SUN1: variants seen among roughly 807,000 people sequenced by gnomAD.
SUN1 encodes the protein Sad1 and UNC84 domain containing 1.
SUN1 carries 61 observed loss-of-function variants against 103.2 expected under a neutral mutation model. The observed-to-expected ratio is 0.59, with a 90% CI of 0.48 to 0.73. SUN1 has a LOEUF of 0.73. SUN1 is among the 30% of genes least tolerant of loss of function. SUN1 has a pLI of 0.00. For missense variants in SUN1, 1,052 were observed against 1,034.6 expected (o/e 1.02, Z -0.23); for synonymous variants, 490 against 425.7 (o/e 1.15, Z -1.86).
At chr7:820,806 G>A (rs1785171696) in intron 1 of SUN1, among the ~76,000 whole-genome samples, 1 of 152,186 alleles carries the variant, frequency 6.6e-6, no homozygotes, top group Non-Finnish European at 1.5e-5. Context: ...ATGATCACAT[G>A]GCTTTGCCTA....
intron 1 of SUN1, among the ~76,000 whole-genome samples, chr7:819,885 T>A (rs1784413934): frequency 6.6e-6 from 1 of 152,146 alleles, no homozygotes; most frequent in African/African-American, 2.4e-5. Flanking sequence ...ATTTTTGTAT[T>A]TTTAGTAGAG....
intron 1 of SUN1, among the ~76,000 whole-genome samples, chr7:825,152 G>A (rs112088280): frequency 0.01 from 1,571 of 151,972 alleles, 32 homozygotes; most frequent in African/African-American, 0.035. Flanking sequence ...TCCACCTCCC[G>A]GGTTCACGCC....
At position 838,784 on chromosome 7, in the gene SUN1, CT is replaced by C. The variant is rs1398985054; in HGVS notation, c.78-9del. 5 of 1,531,520 alleles carry C rather than the reference CT, an allele frequency of 3.3e-6. No homozygotes were observed. The highest frequency in any genetic ancestry group is 8.8e-7 in the Non-Finnish European group (1 of 1,134,626). The allele number at this position is 1,531,520 out of a possible 1,614,324, so 94.9% of individuals were successfully genotyped here. On this transcript the variant is annotated splice_polypyrimidine_tract_variant and intron_variant, in intron 1 of 18. Coordinates refer to ENST00000401592, the MANE Select transcript of SUN1 (RefSeq NM_001130965.3). ...ATAAGCACTGCTTACCTCTGATGAG[CT>C]TTTTCCTTCTAGTTCCAGCTATTCT...
chr7:874,581 CTATT>C lies in SUN1; in HGVS notation c.*1251_*1254del, dbSNP rs914592109. Reference sequence around the variant, plus strand: ...TCCTCAAATACACTGATGTATGAAACTATTCATACATCAAGCAGCATTTTTTTCA... The same window carrying C: ...TCCTCAAATACACTGATGTATGAAACCATACATCAAGCAGCATTTTTTTCA... On this transcript the variant is annotated 3_prime_UTR_variant, in exon 19 of 19. Coordinates refer to ENST00000401592, the MANE Select transcript of SUN1 (RefSeq NM_001130965.3). 6.6e-6 allele frequency: 1 copy of C among 152,472 alleles called. No individual in the cohort carries two copies. The highest frequency in any genetic ancestry group is 2.4e-5 in the African/African-American group (1 of 41,442). The allele number at this position is 152,472 out of a possible 1,614,324, so 9.4% of individuals were successfully genotyped here.
intron 1 of SUN1, among the ~76,000 whole-genome samples, chr7:819,256 T>G (rs571966660): frequency 6.6e-6 from 1 of 151,426 alleles, no homozygotes. Context: ...ATTAGACATA[T>G]GATTAATAAA....
At chr7:816,640 C>T (rs774441012) in exon 1 of SUN1, 60 of 335,028 alleles carry the variant, frequency 1.8e-4, no homozygotes, top group East Asian at 6.3e-4. Flanking sequence ...GCCTGGGCGG[C>T]GCAGACGAGG....
rs1836178781 is a variant in SUN1, at chr7:865,968, T to C, written c.1881T>C (p.Ser627=). Residue 627 remains serine (S), a synonymous_variant, in exon 16 of 19, where the codon AGT becomes AGC. Coordinates refer to ENST00000401592, the MANE Select transcript of SUN1 (RefSeq NM_001130965.3). ...TGCTTTAAGGTGGCAGCATCTTGAG[T>C]ACTCGCTGTTCTGAAACTTACGAAA... ...ALESGGGSIL[S]TRCSETYETK... is the part of the protein sequence containing the mutation. 1.9e-6 allele frequency: 3 copies of C among 1,614,122 alleles called. No individual in the cohort carries two copies. The African/African-American group carries it at 4.0e-5, about 22-fold the overall frequency.
At chr7:864,636 T>C (rs1467733373) in intron 15 of SUN1, among the ~76,000 whole-genome samples, 1 of 151,628 alleles carries the variant, frequency 6.6e-6, no homozygotes, top group Admixed American at 6.6e-5. Context: ...TATGCATTCA[T>C]TTTTCGTAGA....
At chr7:850,059 C>T in intron 5 of SUN1, 4 of 1,536,362 alleles carry the variant, frequency 2.6e-6, no homozygotes, top group Non-Finnish European at 3.5e-6. Context: ...GTCTCCGTCT[C>T]ATCTCGCCCT....
chr7:824,999 C>G (rs1790173898), intron 1 of SUN1, among the ~76,000 whole-genome samples: 1 of 152,134 alleles, frequency 6.6e-6, no homozygotes, highest in African/African-American at 2.4e-5. Flanking sequence ...GACTGTCTGC[C>G]TGTCCTGCCT....
At chr7:825,818 GT>G (rs1334030238) in intron 1 of SUN1, among the ~76,000 whole-genome samples, 1 of 150,254 alleles carries the variant, frequency 6.7e-6, no homozygotes, top group Non-Finnish European at 1.5e-5. Flanking sequence ...GAAAAATAAT[GT>G]TTTTATTAGT....
intron 4 of SUN1, 42 bp downstream of exon 4, chr7:843,274 T>C: frequency 2.5e-6 from 4 of 1,605,592 alleles, no homozygotes; most frequent in East Asian, 2.2e-5. Context: ...CTTTTCAAAA[T>C]AGAAGTTTTA....
At chr7:849,543 A>G (rs1819842067) in intron 5 of SUN1, 5 of 1,388,268 alleles carry the variant, frequency 3.6e-6, no homozygotes, top group African/African-American at 1.5e-5. Flanking sequence ...CTATGGGAGA[A>G]TGAATGTGAG....
chr7:827,516 C>T (rs1251386015), upstream of SUN1, among the ~76,000 whole-genome samples: 1 of 146,592 alleles, frequency 6.8e-6, no homozygotes, highest in Non-Finnish European at 1.5e-5. Context: ...GTCCCCCAGG[C>T]TGGGGTGCAG....
At chr7:861,344 C>T (rs1393432121) in intron 14 of SUN1, 36 bp from the exon 15 acceptor site, 13 of 1,611,054 alleles carry the variant, frequency 8.1e-6, no homozygotes, top group Non-Finnish European at 1.1e-5. Context: ...CTCTCCTGTT[C>T]TGGTGTTTGG....
At position 843,384 on chromosome 7, in the gene SUN1, C is replaced by G. The variant is rs761101698; in HGVS notation, c.522C>G (p.Ala174=). 1 of 1,608,754 alleles carries G rather than the reference C, an allele frequency of 6.2e-7. No individual in the cohort carries two copies. The highest frequency in any genetic ancestry group is 8.5e-7 in the Non-Finnish European group (1 of 1,177,236). The change falls in exon 5 of 19, where the codon GCC becomes GCG. Residue 174 remains alanine, a synonymous_variant. Transcript: ENST00000401592. ...TTCAGGGAAACGGGGATGTGGGAGCCGCCGCCGCCACCGCGCACAACGGCT... is the reference window on the plus strand; with the variant it reads ...TTCAGGGAAACGGGGATGTGGGAGCGGCCGCCGCCACCGCGCACAACGGCT... The part of the protein sequence containing the change: ...AAIQGNGDVG[A]AAATAHNGFS...
At chr7:826,526 G>A (rs1244740339) in intron 1 of SUN1, among the ~76,000 whole-genome samples, 4 of 152,224 alleles carry the variant, frequency 2.6e-5, no homozygotes, top group African/African-American at 7.2e-5. Flanking sequence ...CCCTGTGGAC[G>A]TGGGGCTTGT....
rs1239779946 is a variant in SUN1, at chr7:854,961, G to A, written c.1305G>A (p.Met435Ile). The part of the protein sequence containing the change: ...MAFHQEHEVR[M>I]SHLEDILGKL... ...TTCACCAAGAACATGAAGTGCGTATGTCACACTTGGAAGATATTCTGGGAA... is the reference window on the plus strand; with the variant it reads ...TTCACCAAGAACATGAAGTGCGTATATCACACTTGGAAGATATTCTGGGAA... The change falls in exon 11 of 19, where the codon ATG (methionine) becomes ATA (isoleucine). Residue 435 changes from methionine to isoleucine, a missense_variant. Met to Ile is a conservative substitution (Grantham distance 10). Coordinates refer to ENST00000401592, the MANE Select transcript of SUN1 (RefSeq NM_001130965.3). The A allele has an allele frequency of 6.2e-7, 1 of 1,613,810 alleles. No individual in the cohort carries two copies. The highest frequency in any genetic ancestry group is 8.5e-7 in the Non-Finnish European group (1 of 1,179,880).
Position 861,311 on chromosome 7 carries a change from T to C in SUN1, c.1780-69T>C, listed in dbSNP as rs1021026735. 18 of 1,494,130 alleles carry C rather than the reference T, an allele frequency of 1.2e-5. No homozygotes were observed. In the African/African-American group the frequency reaches 2.3e-4, roughly 19 times the overall value. The allele number at this position is 1,494,130 out of a possible 1,614,324, so 92.6% of individuals were successfully genotyped here. ...AATGTAAGTGTCTGGTCCTCATCCA[T>C]GGCACTAAAACCCACGTCTCTCCTC... On this transcript the variant is annotated intron_variant, in intron 14 of 18. Transcript: ENST00000401592.
Sources: allele counts gnomAD v4.1 joint callset (sites outside exome capture counted in the v4.1 genomes callset), GRCh38; gene constraint gnomAD v4.1.1; transcripts MANE v1.5; gene names NCBI Gene and HGNC (gene_info 2026-07-23, HGNC 2026-07-21).